Variants in HS3ST3A1 observed in about 807,000 individuals in gnomAD.
The protein encoded by HS3ST3A1 is heparan sulfate-glucosamine 3-sulfotransferase 3A1, also known as heparan sulfate glucosamine 3-O-sulfotransferase 3A1.
A neutral mutation model predicts 25.7 loss-of-function variants in HS3ST3A1; 19 were observed. The observed-to-expected ratio is 0.74, with a 90% confidence interval of 0.52 to 1.08. The LOEUF is 1.08. HS3ST3A1 is among the 50% of genes least tolerant of loss of function. The probability of loss-of-function intolerance (pLI) is 0.00; values close to 1 mark genes in which losing one functional copy is unlikely to be tolerated. For missense variants in HS3ST3A1, 459 were observed against 594.3 expected (o/e 0.77, Z 2.37); for synonymous variants, 226 against 278.6 (o/e 0.81, Z 1.88).
chr17:13,527,863 T>G (rs559394880), intron 1 of HS3ST3A1, among the ~76,000 whole-genome samples: 126 of 152,342 alleles, frequency 8.3e-4, no homozygotes, highest in South Asian at 6.4e-3. Context: ...ATATTTAAAG[T>G]GTCAATATTC....
chr17:13,548,616 G>A (rs1418481796), intron 1 of HS3ST3A1, among the ~76,000 whole-genome samples: 4 of 152,170 alleles, frequency 2.6e-5, no homozygotes, highest in African/African-American at 9.7e-5. Context: ...GTTGAGAGGT[G>A]AAGCTGACTG....
chr17:13,584,451 G>GAGGA (rs10651517), intron 1 of HS3ST3A1, among the ~76,000 whole-genome samples: 17,951 of 143,614 alleles, frequency 0.12, 1,365 homozygotes, highest in South Asian at 0.16. Flanking sequence ...AAGAGAGAGA[G>GAGGA]AGGAAGGAAG....
intron 1 of HS3ST3A1, among the ~76,000 whole-genome samples, chr17:13,539,801 G>A (rs529492574): frequency 1.5e-4 from 23 of 152,234 alleles, no homozygotes; most frequent in East Asian, 1.2e-3. Flanking sequence ...ATGATTTGTC[G>A]TTGAGCTTCT....
chr17:13,570,079 C>G (rs1266368870), intron 1 of HS3ST3A1, among the ~76,000 whole-genome samples: 1 of 152,192 alleles, frequency 6.6e-6, no homozygotes, highest in Non-Finnish European at 1.5e-5. Context: ...CCTCTTATAG[C>G]TCAAAACTGG....
At chr17:13,520,637 TAG>T (rs1209514014) in intron 1 of HS3ST3A1, among the ~76,000 whole-genome samples, 1 of 151,414 alleles carries the variant, frequency 6.6e-6, no homozygotes, top group African/African-American at 2.4e-5. Context: ...TTTGGGGAAA[TAG>T]AGTCTTGCTC....
chr17:13,506,090 T>G (rs1163644708), intron 1 of HS3ST3A1, among the ~76,000 whole-genome samples: 1 of 151,308 alleles, frequency 6.6e-6, no homozygotes, highest in Non-Finnish European at 1.5e-5. Context: ...TTTTTTTTTT[T>G]TTTTTTAAAG....
intron 1 of HS3ST3A1, among the ~76,000 whole-genome samples, chr17:13,497,270 T>C (rs1303960247): frequency 6.6e-6 from 1 of 152,222 alleles, no homozygotes; most frequent in African/African-American, 2.4e-5. Context: ...AAAGCAATCA[T>C]ATTCAACATA....
At chr17:13,516,481 A>C (rs1906058384) in intron 1 of HS3ST3A1, among the ~76,000 whole-genome samples, 1 of 152,158 alleles carries the variant, frequency 6.6e-6, no homozygotes, top group Non-Finnish European at 1.5e-5. Flanking sequence ...GATGAAGTCC[A>C]ATTTATCAAT....
At chr17:13,552,759 T>A (rs1907278571) in intron 1 of HS3ST3A1, among the ~76,000 whole-genome samples, 1 of 152,176 alleles carries the variant, frequency 6.6e-6, no homozygotes, top group South Asian at 2.1e-4. Flanking sequence ...CTAAGACCTT[T>A]CCCAATTCAG....
chr17:13,542,779 G>A (rs1906972219), intron 1 of HS3ST3A1, among the ~76,000 whole-genome samples: 1 of 152,096 alleles, frequency 6.6e-6, no homozygotes, highest in Non-Finnish European at 1.5e-5. Flanking sequence ...CAGGATGGGG[G>A]ATGGTTGCCA....
At chr17:13,542,155 G>A (rs1342672500) in intron 1 of HS3ST3A1, among the ~76,000 whole-genome samples, 3 of 151,874 alleles carry the variant, frequency 2.0e-5, no homozygotes, top group African/African-American at 7.3e-5. Context: ...TGGCAAAACT[G>A]CATCCCTATA....
intron 1 of HS3ST3A1, among the ~76,000 whole-genome samples, chr17:13,542,252 G>T (rs1014015472): frequency 6.6e-6 from 1 of 151,626 alleles, no homozygotes; most frequent in Non-Finnish European, 1.5e-5. Flanking sequence ...ACTTGAACTC[G>T]GGAGAGGTGG....
chr17:13,550,725 C>CAA (rs1014828650), intron 1 of HS3ST3A1, among the ~76,000 whole-genome samples: 15 of 151,916 alleles, frequency 9.9e-5, no homozygotes, highest in Admixed American at 6.6e-4. Flanking sequence ...ACAACAACAA[C>CAA]AACAACAACA....
At chr17:13,552,155 C>T (rs938887482) in intron 1 of HS3ST3A1, among the ~76,000 whole-genome samples, 4 of 152,172 alleles carry the variant, frequency 2.6e-5, no homozygotes, top group African/African-American at 7.2e-5. Flanking sequence ...TCTTGGCTCA[C>T]CGCAACCTCC....
At chr17:13,568,749 G>C (rs1907733781) in intron 1 of HS3ST3A1, among the ~76,000 whole-genome samples, 1 of 151,980 alleles carries the variant, frequency 6.6e-6, no homozygotes, top group South Asian at 2.1e-4. Flanking sequence ...GTTCATTCTG[G>C]GGTAGTCTCC....
chr17:13,509,544 C>A (rs936404887), intron 1 of HS3ST3A1, among the ~76,000 whole-genome samples: 3 of 151,942 alleles, frequency 2.0e-5, no homozygotes, highest in Non-Finnish European at 2.9e-5. Flanking sequence ...AAAGCCTGAT[C>A]GATATTTACA....
intron 1 of HS3ST3A1, chr17:13,543,415 A>C (rs1906991800): frequency 7.7e-6 from 1 of 129,048 alleles, no homozygotes; most frequent in South Asian, 2.5e-4. Context: ...TAGAGAAAAA[A>C]TATTTTTTTT....
intron 1 of HS3ST3A1, among the ~76,000 whole-genome samples, chr17:13,573,236 C>A (rs945603955): frequency 1.3e-5 from 2 of 152,154 alleles, no homozygotes; most frequent in Admixed American, 6.5e-5. Flanking sequence ...TTTTAGAATA[C>A]CCCAATGCCC....
At chr17:13,554,038 C>T (rs1907308289) in intron 1 of HS3ST3A1, among the ~76,000 whole-genome samples, 1 of 152,170 alleles carries the variant, frequency 6.6e-6, no homozygotes, top group South Asian at 2.1e-4. Context: ...AGTGATGCCA[C>T]TGATATCATC....
Sources: allele counts gnomAD v4.1 joint callset (sites outside exome capture counted in the v4.1 genomes callset), GRCh38; gene constraint gnomAD v4.1.1; transcripts MANE v1.5; gene names NCBI Gene and HGNC (gene_info 2026-07-23, HGNC 2026-07-21).